Variants in FHIT observed in about 807,000 individuals in gnomAD.
FHIT encodes fragile histidine triad diadenosine triphosphatase, also known as bis(5'-adenosyl)-triphosphatase.
A neutral mutation model predicts 17.9 loss-of-function variants in FHIT; 19 were observed. The observed-to-expected ratio is 1.06, with a 90% CI of 0.74 to 1.56. FHIT has a LOEUF of 1.56. Among genes scored for constraint, FHIT ranks in the 40% most tolerant of loss-of-function variants. The pLI, the probability that FHIT is intolerant of heterozygous loss-of-function variation, is 0.00. For synonymous variants in FHIT, 81 were observed against 69.7 expected, an observed-to-expected ratio of 1.16 and a Z score of -0.81; for missense variants, 248 against 189.2, an observed-to-expected ratio of 1.31 and a Z score of -1.82.
chr3:59,796,482 G>GTGAC (rs1371149737), intron 8 of FHIT, among the ~76,000 whole-genome samples: 18 of 152,234 alleles, frequency 1.2e-4, no homozygotes, highest in Admixed American at 3.9e-4. Context: ...GGCCTTCCTT[G>GTGAC]TGACTCCATA....
intron 5 of FHIT, among the ~76,000 whole-genome samples, chr3:60,514,543 GC>G (rs1174590724): frequency 1.3e-5 from 2 of 152,174 alleles, no homozygotes; most frequent in Admixed American, 1.3e-4. Context: ...TGCATGCAGG[GC>G]TTAACACCAG....
chr3:60,419,880 T>C (rs562238942), intron 5 of FHIT, among the ~76,000 whole-genome samples: 1 of 152,052 alleles, frequency 6.6e-6, no homozygotes, highest in Non-Finnish European at 1.5e-5. Context: ...AAATTTGGCT[T>C]TTACCACTTA....
intron 5 of FHIT, among the ~76,000 whole-genome samples, chr3:60,160,608 G>A (rs1700897683): frequency 6.6e-6 from 1 of 152,114 alleles, no homozygotes; most frequent in Non-Finnish European, 1.5e-5. Flanking sequence ...GAAAGAAAAT[G>A]GCTTTTTGTG....
intron 4 of FHIT, among the ~76,000 whole-genome samples, chr3:60,637,165 C>G (rs2039609425): frequency 6.6e-6 from 1 of 152,158 alleles, no homozygotes; most frequent in South Asian, 2.1e-4. Flanking sequence ...AAAGACTCAG[C>G]AAAATGCATA....
At chr3:60,735,025 T>TA (rs1553712218) in intron 4 of FHIT, among the ~76,000 whole-genome samples, 1 of 152,194 alleles carries the variant, frequency 6.6e-6, no homozygotes, top group East Asian at 1.9e-4. Context: ...AGAATTACAA[T>TA]GAAAAGCCAA....
At chr3:60,145,814 A>G (rs1348962297) in intron 5 of FHIT, among the ~76,000 whole-genome samples, 1 of 152,138 alleles carries the variant, frequency 6.6e-6, no homozygotes, top group Non-Finnish European at 1.5e-5. Context: ...TCCCTCAAAG[A>G]TTATTCATCT....
At chr3:60,549,641 C>A (rs772255240) in intron 4 of FHIT, among the ~76,000 whole-genome samples, 3 of 152,066 alleles carry the variant, frequency 2.0e-5, no homozygotes, top group Non-Finnish European at 4.4e-5. Context: ...CTCTAATTCT[C>A]CAAATTGCTA....
At chr3:60,184,958 A>G (rs555355182) in intron 5 of FHIT, among the ~76,000 whole-genome samples, 1 of 152,194 alleles carries the variant, frequency 6.6e-6, no homozygotes, top group African/African-American at 2.4e-5. Flanking sequence ...ACACACTCCC[A>G]TTATTGTGAT....
chr3:60,869,915 G>A (rs1704330947), intron 3 of FHIT, among the ~76,000 whole-genome samples: 1 of 152,042 alleles, frequency 6.6e-6, no homozygotes, highest in Non-Finnish European at 1.5e-5. Context: ...TTCCCAAGGG[G>A]CCCTCAGTAC....
At chr3:60,040,770 C>T (rs1035218135) in intron 5 of FHIT, among the ~76,000 whole-genome samples, 5 of 152,036 alleles carry the variant, frequency 3.3e-5, no homozygotes, top group African/African-American at 1.2e-4. Flanking sequence ...GGAGTGACTC[C>T]AGGGCACCAA....
At chr3:59,756,436 G>A (rs1220163438) in intron 8 of FHIT, among the ~76,000 whole-genome samples, 1 of 152,104 alleles carries the variant, frequency 6.6e-6, no homozygotes, top group South Asian at 2.1e-4. Flanking sequence ...GAATGTGGTG[G>A]AGGTCAAAGG....
chr3:60,333,454 C>T (rs1288054710), intron 5 of FHIT, among the ~76,000 whole-genome samples: 1 of 138,198 alleles, frequency 7.2e-6, no homozygotes, highest in Non-Finnish European at 1.5e-5. Context: ...AGATACTGTG[C>T]CCTAAAAGGC....
intron 3 of FHIT, among the ~76,000 whole-genome samples, chr3:60,907,859 C>G (rs2107254535): frequency 6.6e-6 from 1 of 152,234 alleles, no homozygotes; most frequent in Non-Finnish European, 1.5e-5. Context: ...TCATTTAATC[C>G]TTGCAATAAC....
intron 6 of FHIT, 37 bp from the exon 7 acceptor site, chr3:60,011,437 A>G: frequency 1.3e-6 from 2 of 1,558,012 alleles, no homozygotes; most frequent in South Asian, 1.1e-5. Flanking sequence ...GTGAGAATAG[A>G]TAGATGGTAT....
In FHIT at chr3:60,350,221, G is replaced by A. The variant is rs115443200; in HGVS notation, c.103+186639C>T. 8.2e-3 allele frequency among the ~76,000 whole-genome samples: 1,244 copies of A among 152,226 alleles called. 18 individuals are homozygous for A. Among genetic ancestry groups the A allele is most frequent in the African/African-American group, 0.028 (1,181 of 41,534 alleles). On this transcript the variant is annotated intron_variant, in intron 5 of 9. Transcript: ENST00000492590. Reference sequence around the variant, plus strand: ...CTGGAGACTCCCAACTCAGATGCCTGAAGAAGCCAGGGCAGGTATAGTAAG... The same window carrying A: ...CTGGAGACTCCCAACTCAGATGCCTAAAGAAGCCAGGGCAGGTATAGTAAG...
chr3:59,918,200 T>C (rs1705226042), intron 8 of FHIT, among the ~76,000 whole-genome samples: 1 of 152,014 alleles, frequency 6.6e-6, no homozygotes, highest in African/African-American at 2.4e-5. Context: ...TTTCAGGTTC[T>C]TCTAGTTCAA....
At chr3:60,641,883 A>G (rs1471172033) in intron 4 of FHIT, among the ~76,000 whole-genome samples, 1 of 152,114 alleles carries the variant, frequency 6.6e-6, no homozygotes, top group Non-Finnish European at 1.5e-5. Context: ...TAAGGATTTG[A>G]AGCCCCTGGT....
intron 5 of FHIT, among the ~76,000 whole-genome samples, chr3:60,453,431 C>T (rs937563054): frequency 6.6e-6 from 1 of 152,122 alleles, no homozygotes; most frequent in Admixed American, 6.6e-5. Flanking sequence ...TCATTCTTTC[C>T]AATGCTCCAA....
At chr3:60,583,683 T>C (rs1168445612) in intron 4 of FHIT, among the ~76,000 whole-genome samples, 6 of 152,056 alleles carry the variant, frequency 3.9e-5, no homozygotes, top group South Asian at 2.1e-4. Context: ...GTGGCCTGGA[T>C]TCAGTGGGCA....
Sources: allele counts gnomAD v4.1 joint callset (sites outside exome capture counted in the v4.1 genomes callset), GRCh38; gene constraint gnomAD v4.1.1; transcripts MANE v1.5; gene names NCBI Gene and HGNC (gene_info 2026-07-23, HGNC 2026-07-21).